Variants in NHSL2 observed in about 807,000 individuals in gnomAD.
NHSL2 encodes the protein NHS like 2, also known as NHS-like protein 2.
Under a neutral mutation model 53.4 loss-of-function variants are expected in NHSL2, and 27 were observed. The ratio of observed to expected loss-of-function variants is 0.51; its 90% CI spans 0.37 to 0.70. NHSL2 has a LOEUF of 0.70. Ranked by LOEUF, NHSL2 falls within the 30% of genes least tolerant of loss-of-function variation. The pLI, the probability that NHSL2 is intolerant of heterozygous loss-of-function variation, is 0.00. For synonymous variants in NHSL2, 408 were observed against 404.1 expected (o/e 1.01, Z -0.12); for missense variants, 892 against 980.1 (o/e 0.91, Z 1.20).
intron 1 of NHSL2, among the ~76,000 whole-genome samples, chrX:72,101,218 G>A (rs2041990239): frequency 9.0e-6 from 1 of 110,509 alleles, no homozygotes; most frequent in East Asian, 2.9e-4. Flanking sequence ...GACAGCCATG[G>A]CGGCACAGCT....
chrX:71,954,020 C>T (rs757176360), intron 1 of NHSL2, among the ~76,000 whole-genome samples: 1 of 112,278 alleles, frequency 8.9e-6, no homozygotes, highest in Non-Finnish European at 1.9e-5. Flanking sequence ...CATTCATAAA[C>T]ATTTTTTGCA....
At chrX:71,911,476 C>T in intron 1 of NHSL2, 109 bp downstream of exon 1, 3 of 680,254 alleles carry the variant, frequency 4.4e-6, no homozygotes, top group Non-Finnish European at 6.0e-6. Flanking sequence ...CTCCGCCCCT[C>T]CCCTCCCCTC....
chrX:72,084,948 C>T (rs898723912), intron 1 of NHSL2, among the ~76,000 whole-genome samples: 19 of 111,834 alleles, frequency 1.7e-4, no homozygotes, highest in Non-Finnish European at 7.5e-5. Flanking sequence ...ATCACCAGGG[C>T]GACAGATATA....
At chrX:72,136,293 A>G (rs1425594939) in intron 4 of NHSL2, among the ~76,000 whole-genome samples, 2 of 111,913 alleles carry the variant, frequency 1.8e-5, no homozygotes, top group Non-Finnish European at 3.8e-5. Flanking sequence ...AATATTAAGT[A>G]AGGCATATTA....
At position 72,076,200 on chromosome X, in the gene NHSL2, C is replaced by T. The variant is rs763547814; in HGVS notation, c.281-55879C>T. On this transcript the variant is annotated intron_variant, in intron 1 of 7. Transcript: ENST00000633930. ...TGCCTGCCTTGGCCTCCCAAAGTGC[C>T]GGGATTATAGATGTGAGCCACCGAG... 4.5e-5 allele frequency among the ~76,000 whole-genome samples: 5 copies of T among 110,678 alleles called. No individual in the cohort carries two copies. In the South Asian group the frequency reaches 1.2e-3, roughly 26 times the overall value.
chrX:72,001,501 C>G (rs927837418), intron 1 of NHSL2, among the ~76,000 whole-genome samples: 3 of 112,168 alleles, frequency 2.7e-5, no homozygotes, highest in Non-Finnish European at 3.8e-5. Context: ...TACTATTTCT[C>G]TCTGACTGGC....
chrX:72,055,545 G>A (rs1426206985), intron 1 of NHSL2, among the ~76,000 whole-genome samples: 1 of 112,005 alleles, frequency 8.9e-6, no homozygotes, highest in Non-Finnish European at 1.9e-5. Flanking sequence ...ATTCCAAAAA[G>A]GGTTTAAGGT....
intron 1 of NHSL2, among the ~76,000 whole-genome samples, chrX:71,936,318 G>A (rs1164806298): frequency 1.8e-5 from 2 of 112,174 alleles, no homozygotes; most frequent in Non-Finnish European, 3.8e-5. Context: ...GTCAGCCTGG[G>A]GGCCTACGTG....
Position 72,069,663 on chromosome X carries a change from C to A in NHSL2, c.281-62416C>A, listed in dbSNP as rs1022178245. 3 of 935,653 alleles carry A rather than the reference C, an allele frequency of 3.2e-6. No homozygotes were observed. The African/African-American group carries it at 6.2e-5, about 19-fold the overall frequency. The allele number at this position is 935,653 out of a possible 1,213,427, so 77.1% of individuals were successfully genotyped here. A position where few individuals can be genotyped will look rare whatever the true frequency, so the allele number is the denominator to read the frequency against. On this transcript the variant is annotated intron_variant, in intron 1 of 7. Transcript: ENST00000633930. ...GAGGAGGAGGTGGCAGCGGCCGCCG[C>A]GGTGGCTGCCAGTCCAGAGCAGAAT...
At chrX:71,993,824 T>C (rs1280633788) in intron 1 of NHSL2, among the ~76,000 whole-genome samples, 4 of 110,286 alleles carry the variant, frequency 3.6e-5, no homozygotes, top group Non-Finnish European at 7.6e-5. Flanking sequence ...CCATAATGCC[T>C]GTCTTTTTAC....
rs750097941 is a variant in NHSL2 at position 72,043,670 on chromosome X, A to T, written c.281-88409A>T. Among the ~76,000 whole-genome samples the T allele has an allele frequency of 2.7e-5, 3 of 111,059 alleles. No homozygotes were observed. The South Asian group carries it at 1.2e-3, about 43-fold the overall frequency. ...CTGCCATGCATCAAAATACCCTGAG[A>T]CCTCCTCTTGGCCGATGTGGTCCCT... On this transcript the variant is annotated intron_variant, in intron 1 of 7. Coordinates refer to ENST00000633930, the MANE Select transcript of NHSL2 (RefSeq NM_001013627.3).
chrX:72,040,318 C>G (rs904575312), intron 1 of NHSL2, among the ~76,000 whole-genome samples: 2 of 112,307 alleles, frequency 1.8e-5, no homozygotes, highest in Non-Finnish European at 1.9e-5. Flanking sequence ...CTCACACACA[C>G]ATACTCTCTT....
intron 1 of NHSL2, among the ~76,000 whole-genome samples, chrX:71,952,690 G>A (rs1462740977): frequency 9.0e-6 from 1 of 110,567 alleles, no homozygotes; most frequent in Non-Finnish European, 1.9e-5. Flanking sequence ...ATTGGGTATT[G>A]GGTTCCAACA....
intron 1 of NHSL2, among the ~76,000 whole-genome samples, chrX:72,060,245 G>A (rs1240461867): frequency 1.8e-5 from 2 of 112,109 alleles, no homozygotes; most frequent in East Asian, 2.8e-4. Flanking sequence ...GTGCAGATGA[G>A]CTATGAGGAA....
At chrX:71,972,773 C>G (rs1161943100) in intron 1 of NHSL2, among the ~76,000 whole-genome samples, 1 of 111,241 alleles carries the variant, frequency 9.0e-6, no homozygotes, top group Non-Finnish European at 1.9e-5. Flanking sequence ...TGTTGGTGCA[C>G]TTAATGCTGT....
At chrX:71,994,641 T>C (rs1182214837) in intron 1 of NHSL2, among the ~76,000 whole-genome samples, 2 of 112,119 alleles carry the variant, frequency 1.8e-5, no homozygotes, top group Non-Finnish European at 3.8e-5. Context: ...TGAGATGCTG[T>C]AAGTGGCTGT....
intron 1 of NHSL2, among the ~76,000 whole-genome samples, chrX:72,052,282 C>T: frequency 8.9e-6 from 1 of 112,393 alleles, no homozygotes; most frequent in East Asian, 2.8e-4. Context: ...TCCTCCGAGG[C>T]ACACCTGTCT....
At position 72,148,062 on chromosome X, in the gene NHSL2, A is replaced by G. The variant is rs2042477519; in HGVS notation, c.*4488A>G. The G allele has an allele frequency of 2.7e-5, 3 of 112,064 alleles. No individual in the cohort carries two copies. The South Asian group carries it at 1.1e-3, about 42-fold the overall frequency. 9.2% of individuals were successfully genotyped at this position (112,064 alleles called of 1,213,427 possible). A position where few individuals can be genotyped will look rare whatever the true frequency, so the allele number is the denominator to read the frequency against. Reference sequence around the variant, plus strand: ...GGTCAATTAAATTGTCCTGATATCCAATGCTATTCAATATGGTTACTACCA... The same window carrying G: ...GGTCAATTAAATTGTCCTGATATCCGATGCTATTCAATATGGTTACTACCA... On this transcript the variant is annotated 3_prime_UTR_variant, in exon 8 of 8. Coordinates refer to ENST00000633930, the MANE Select transcript of NHSL2 (RefSeq NM_001013627.3).
At chrX:72,072,923 C>A (rs1453041973) in intron 1 of NHSL2, among the ~76,000 whole-genome samples, 1 of 111,858 alleles carries the variant, frequency 8.9e-6, no homozygotes, top group Non-Finnish European at 1.9e-5. Flanking sequence ...TCCGGTCTCT[C>A]TTACCCAGTA....
Sources: allele counts gnomAD v4.1 joint callset (sites outside exome capture counted in the v4.1 genomes callset), GRCh38; gene constraint gnomAD v4.1.1; transcripts MANE v1.5; gene names NCBI Gene and HGNC (gene_info 2026-07-23, HGNC 2026-07-21).